Variants in TAF1 observed in about 807,000 individuals in gnomAD.
TAF1 encodes TATA-box binding protein associated factor 1, also known as transcription initiation factor TFIID subunit 1.
TAF1 carries 2 observed loss-of-function variants against 138.5 expected under a neutral mutation model. The ratio of observed to expected loss-of-function variants is 0.01; its 90% CI spans 0.01 to 0.05. TAF1 has a LOEUF of 0.05. Ranked by LOEUF, TAF1 falls within the 10% of genes least tolerant of loss-of-function variation. TAF1 has a pLI of 1.00. For synonymous variants in TAF1, 437 were observed against 503.2 expected (o/e 0.87, Z 1.76); for missense variants, 709 against 1,478.0 (o/e 0.48, Z 8.53).
chrX:71,380,994 A>C (rs2033849736), intron 8 of TAF1, among the ~76,000 whole-genome samples: 1 of 111,933 alleles, frequency 8.9e-6, no homozygotes, highest in South Asian at 3.7e-4. Flanking sequence ...CCCGGATACA[A>C]AAATGTCTGA....
rs969392277 is a variant in TAF1 at position 71,407,792 on chromosome X, GAGTT to G, written c.4206+125_4206+128del. 17 of 960,290 alleles carry G rather than the reference GAGTT, an allele frequency of 1.8e-5. 1 individual carries two copies. In the African/African-American group the frequency reaches 3.2e-4, roughly 18 times the overall value. 79.1% of individuals were successfully genotyped at this position (960,290 alleles called of 1,213,427 possible). ...GTAACTGGAATGCCTAATTTTTAGG[GAGTT>G]AGTTTTTTTTGTTTGTTTGTTTTTT... is the stretch of plus-strand genomic sequence containing the variant. On this transcript the variant is annotated intron_variant, in intron 27 of 37. Transcript: ENST00000423759.
At chrX:71,469,347 A>G (rs2038836550), downstream of TAF1, among the ~76,000 whole-genome samples, 1 of 111,531 alleles carries the variant, frequency 9.0e-6, no homozygotes, top group South Asian at 3.7e-4. Flanking sequence ...GTGAGACAAT[A>G]TACAAAATTA....
At chrX:71,507,919 G>A in intron 13 of TAF1, among the ~76,000 whole-genome samples, 1 of 109,722 alleles carries the variant, frequency 9.1e-6, no homozygotes, top group East Asian at 2.8e-4. Context: ...TGAATCTGGG[G>A]TAGAGATTGC....
chrX:71,497,233 A>T (rs1439010539), intron 13 of TAF1, among the ~76,000 whole-genome samples: 2 of 111,473 alleles, frequency 1.8e-5, no homozygotes, highest in African/African-American at 3.3e-5. Context: ...CTTCTAAGAG[A>T]TCCTCTCGGG....
chrX:71,374,056 T>C (rs376611167), intron 3 of TAF1, among the ~76,000 whole-genome samples: 1 of 111,511 alleles, frequency 9.0e-6, no homozygotes, highest in East Asian at 2.8e-4. Flanking sequence ...TGGAAACGCT[T>C]TCATATGTTG....
intron 32 of TAF1, among the ~76,000 whole-genome samples, chrX:71,445,351 C>T (rs767181291): frequency 9.5e-6 from 1 of 105,465 alleles, no homozygotes; most frequent in South Asian, 4.1e-4. Flanking sequence ...AAGGTTTTCT[C>T]TTATGTTTTT....
chrX:71,471,460 ACT>A (rs1491110306), intron 13 of TAF1, among the ~76,000 whole-genome samples: 37 of 96,027 alleles, frequency 3.9e-4, no homozygotes, highest in African/African-American at 1.5e-3. Context: ...TGAAATGGTC[ACT>A]TTTTTTTTTT....
chrX:71,440,082 AC>A (rs1195761399), intron 32 of TAF1, among the ~76,000 whole-genome samples: 2 of 110,180 alleles, frequency 1.8e-5, no homozygotes, highest in Non-Finnish European at 3.8e-5. Context: ...TTGTATCTGC[AC>A]CCCCCACACA....
chrX:71,486,990 A>T, intron 13 of TAF1, among the ~76,000 whole-genome samples: 1 of 101,203 alleles, frequency 9.9e-6, no homozygotes, highest in Non-Finnish European at 2.0e-5. Flanking sequence ...TCTTGGGTTT[A>T]GTTTGCTCTT....
chrX:71,366,368 C>T lies in TAF1; in HGVS notation c.-7C>T, dbSNP rs1437283873. The T allele has an allele frequency of 2.5e-6, 3 of 1,210,764 alleles. No homozygotes were observed. The highest frequency in any genetic ancestry group is 3.4e-6 in the Non-Finnish European group (3 of 895,308). ...GGACAGCAGCTACCATCACTGCTGC[C>T]GCCATCATGTCAGACACGGACAGCG... On this transcript the variant is annotated 5_prime_UTR_variant, in exon 1 of 38. Coordinates refer to ENST00000423759, the MANE Select transcript of TAF1 (RefSeq NM_004606.5).
At chrX:71,476,614 G>A (rs974264662) in intron 13 of TAF1, among the ~76,000 whole-genome samples, 2 of 108,963 alleles carry the variant, frequency 1.8e-5, no homozygotes, top group Non-Finnish European at 3.8e-5. Context: ...CTGCACTCCA[G>A]CCTGGGCAAC....
chrX:71,500,794 G>A (rs1418592846), intron 13 of TAF1, among the ~76,000 whole-genome samples: 7 of 110,372 alleles, frequency 6.3e-5, no homozygotes, highest in East Asian at 2.8e-4. Flanking sequence ...TGGGCGCGGT[G>A]GCTCATGCCT....
At chrX:71,440,617 A>G (rs1253097217) in intron 32 of TAF1, among the ~76,000 whole-genome samples, 2 of 109,633 alleles carry the variant, frequency 1.8e-5, no homozygotes, top group Admixed American at 9.8e-5. Context: ...CACTTACGTC[A>G]TCATAAGCTT....
At chrX:71,428,976 T>A (rs770173417) in intron 32 of TAF1, among the ~76,000 whole-genome samples, 29 of 111,835 alleles carry the variant, frequency 2.6e-4, no homozygotes, top group Non-Finnish European at 5.3e-4. Context: ...TGGTTTTTCC[T>A]CATATAGGAA....
intron 13 of TAF1, among the ~76,000 whole-genome samples, chrX:71,482,674 T>C (rs1308146670): frequency 8.9e-6 from 1 of 112,359 alleles, no homozygotes; most frequent in Non-Finnish European, 1.9e-5. Flanking sequence ...TTGATATTGA[T>C]GGCTGATGAC....
chrX:71,386,444 C>G (rs1166229943), intron 14 of TAF1, among the ~76,000 whole-genome samples: 1 of 111,776 alleles, frequency 8.9e-6, no homozygotes, highest in Admixed American at 9.6e-5. Context: ...GTCTAGCACT[C>G]TTTCTACCTC....
chrX:71,518,942 G>C (rs1246597726), intron 13 of TAF1, among the ~76,000 whole-genome samples: 5 of 106,660 alleles, frequency 4.7e-5, no homozygotes, highest in African/African-American at 1.7e-4. Context: ...TGATCTGCCC[G>C]CCTCAGCCTC....
intron 30 of TAF1, 65 bp downstream of exon 30, chrX:71,423,304 T>C (rs1294138830): frequency 3.4e-6 from 4 of 1,192,219 alleles, no homozygotes; most frequent in Non-Finnish European, 4.5e-6. Context: ...GTTTAGGGTG[T>C]ACACGTGTGT....
At chrX:71,434,269 A>C (rs898096250) in intron 32 of TAF1, among the ~76,000 whole-genome samples, 2 of 112,372 alleles carry the variant, frequency 1.8e-5, no homozygotes, top group Admixed American at 9.4e-5. Flanking sequence ...AAAACAAAAA[A>C]TAAAAATAGT....
Sources: allele counts gnomAD v4.1 joint callset (sites outside exome capture counted in the v4.1 genomes callset), GRCh38; gene constraint gnomAD v4.1.1; transcripts MANE v1.5; gene names NCBI Gene and HGNC (gene_info 2026-07-23, HGNC 2026-07-21).